The following TMEM161B variants were observed in gnomAD, a reference collection of about 807,000 sequenced individuals.
TMEM161B encodes the protein transmembrane protein 161B.
TMEM161B carries 34 observed loss-of-function variants against 61.8 expected under a neutral mutation model. The ratio of observed to expected loss-of-function variants is 0.55; its 90% CI spans 0.42 to 0.73. The LOEUF is 0.73. Among genes scored for constraint, TMEM161B ranks in the 30% least tolerant of loss-of-function variants. The probability of loss-of-function intolerance (pLI) is 0.00; values close to 1 mark genes in which losing one functional copy is unlikely to be tolerated. For missense variants in TMEM161B, 456 were observed against 558.5 expected (o/e 0.82, Z 1.85); for synonymous variants, 167 against 192.8 (o/e 0.87, Z 1.11).
chr5:88,216,731 C>T (rs2112495023), intron 5 of TMEM161B, among the ~76,000 whole-genome samples: 1 of 152,250 alleles, frequency 6.6e-6, no homozygotes, highest in South Asian at 2.1e-4. Context: ...AAGATGGTGC[C>T]ACAGTCTCCG....
In TMEM161B at chr5:88,229,025, G is replaced by A. The variant is rs1401933684; in HGVS notation, c.108-497C>T. Among the ~76,000 whole-genome samples, 4 of 152,066 alleles carry A rather than the reference G, an allele frequency of 2.6e-5. No individual in the cohort carries two copies. In the East Asian group the frequency reaches 7.7e-4, roughly 29 times the overall value. On this transcript the variant is annotated intron_variant, in intron 2 of 11. Coordinates refer to ENST00000296595, the MANE Select transcript of TMEM161B (RefSeq NM_153354.5). ...AAACTTTGTGTGTAGAATAATTACA[G>A]AAAATCATTGTATTAAAAAACACTT... is the stretch of plus-strand genomic sequence containing the variant.
intron 1 of TMEM161B, among the ~76,000 whole-genome samples, chr5:88,253,059 A>C (rs936394583): frequency 5.9e-5 from 9 of 152,114 alleles, no homozygotes; most frequent in African/African-American, 2.2e-4. Context: ...AAAATACCAC[A>C]CTAGAGGGTA....
chr5:88,224,976 T>G (rs184539003), intron 4 of TMEM161B, among the ~76,000 whole-genome samples: 10,094 of 143,940 alleles, frequency 0.07, 654 homozygotes, highest in Non-Finnish European at 0.099. Flanking sequence ...TTTTTTTTTT[T>G]TTTTTTTTTG....
intron 1 of TMEM161B, among the ~76,000 whole-genome samples, chr5:88,265,982 T>A (rs1229472580): frequency 6.6e-6 from 1 of 152,256 alleles, no homozygotes; most frequent in Non-Finnish European, 1.5e-5. Context: ...AAAGTTGGTC[T>A]GTAATTTTCA....
chr5:88,215,048 G>T (rs1250027000), intron 5 of TMEM161B, among the ~76,000 whole-genome samples: 4 of 152,202 alleles, frequency 2.6e-5, no homozygotes, highest in Admixed American at 2.0e-4. Context: ...AGTGAGGGGG[G>T]AAAGACAACA....
chr5:88,266,503 TAAG>T (rs1423892254), intron 1 of TMEM161B, among the ~76,000 whole-genome samples: 1 of 152,202 alleles, frequency 6.6e-6, no homozygotes, highest in Non-Finnish European at 1.5e-5. Context: ...ATCATAAATT[TAAG>T]AAGGTGCTTT....
chr5:88,239,214 A>G (rs1752349172), intron 2 of TMEM161B, among the ~76,000 whole-genome samples: 1 of 152,052 alleles, frequency 6.6e-6, no homozygotes, highest in Non-Finnish European at 1.5e-5. Context: ...TTATAGAAAT[A>G]GATGGAAAAC....
chr5:88,247,289 C>T (rs1217638582), intron 1 of TMEM161B, among the ~76,000 whole-genome samples: 2 of 152,010 alleles, frequency 1.3e-5, no homozygotes, highest in Non-Finnish European at 2.9e-5. Flanking sequence ...ACTCTAAAAA[C>T]TTAAATACAA....
intron 11 of TMEM161B, 112 bp from the exon 12 acceptor site, chr5:88,196,600 C>T (rs897358652): frequency 1.9e-6 from 2 of 1,067,826 alleles, no homozygotes; most frequent in Non-Finnish European, 2.6e-6. Flanking sequence ...TGGCACAGTA[C>T]ATCATTTTAT....
intron 5 of TMEM161B, among the ~76,000 whole-genome samples, chr5:88,209,279 C>A (rs183861349): frequency 3.9e-5 from 6 of 152,252 alleles, no homozygotes; most frequent in Admixed American, 3.3e-4. Context: ...CAGCTATGAT[C>A]TCTCATAGCC....
intron 9 of TMEM161B, chr5:88,201,077 T>C (rs1367678530): frequency 6.6e-6 from 1 of 151,928 alleles, no homozygotes; most frequent in Non-Finnish European, 1.5e-5. Flanking sequence ...CTGCCTCTAA[T>C]AACTTAACCA....
At chr5:88,220,481 TA>T in intron 5 of TMEM161B, 81 bp downstream of exon 5, 1 of 1,167,544 alleles carries the variant, frequency 8.6e-7, no homozygotes, top group Non-Finnish European at 1.1e-6. Context: ...TCTAATGACA[TA>T]AAATCTTTCT....
chr5:88,227,887 G>A (rs1750324041), intron 3 of TMEM161B, among the ~76,000 whole-genome samples: 2 of 152,104 alleles, frequency 1.3e-5, no homozygotes, highest in African/African-American at 4.8e-5. Flanking sequence ...TCAAAACATT[G>A]TTTTGTTTAC....
chr5:88,197,349 C>T (rs750372279), intron 11 of TMEM161B, among the ~76,000 whole-genome samples: 2 of 152,092 alleles, frequency 1.3e-5, no homozygotes, highest in Non-Finnish European at 2.9e-5. Context: ...TAGGCAATAA[C>T]AAAACCTTAA....
downstream of TMEM161B, among the ~76,000 whole-genome samples, chr5:88,190,932 C>T (rs1214656189): frequency 6.6e-6 from 1 of 152,312 alleles, no homozygotes; most frequent in Admixed American, 6.5e-5. Context: ...TACATTCACA[C>T]TTTCATGATA....
At chr5:88,213,346 A>AT (rs1412121996) in intron 5 of TMEM161B, among the ~76,000 whole-genome samples, 1 of 152,114 alleles carries the variant, frequency 6.6e-6, no homozygotes, top group Non-Finnish European at 1.5e-5. Context: ...AAACTAAAAT[A>AT]TTTTTCATAC....
intron 2 of TMEM161B, among the ~76,000 whole-genome samples, chr5:88,232,546 A>G (rs1031590292): frequency 6.7e-6 from 1 of 149,414 alleles, no homozygotes; most frequent in African/African-American, 2.5e-5. Flanking sequence ...TTAGAGCCCT[A>G]TAGTAATGAA....
In TMEM161B at chr5:88,259,723, G is replaced by A. The variant is rs187325181; in HGVS notation, c.3+8998C>T. 1.2e-4 allele frequency among the ~76,000 whole-genome samples: 18 copies of A among 152,256 alleles called. No individual in the cohort carries two copies. The South Asian group carries it at 1.7e-3, about 14-fold the overall frequency. ...AAATGTCAATCAGTACTGCTATGCC[G>A]GATAGTAATGATTAATTGCTTGAAT... On this transcript the variant is annotated intron_variant, in intron 1 of 11. Coordinates refer to ENST00000296595, the MANE Select transcript of TMEM161B (RefSeq NM_153354.5).
chr5:88,225,936 T>C, intron 3 of TMEM161B, 70 bp from the exon 4 acceptor site: 1 of 943,952 alleles, frequency 1.1e-6, no homozygotes, highest in Non-Finnish European at 1.6e-6. Context: ...TGTTTCAAAC[T>C]AATTACAGAT....
Sources: allele counts gnomAD v4.1 joint callset (sites outside exome capture counted in the v4.1 genomes callset), GRCh38; gene constraint gnomAD v4.1.1; transcripts MANE v1.5; gene names NCBI Gene and HGNC (gene_info 2026-07-23, HGNC 2026-07-21).